GPAM: variants seen among roughly 807,000 people sequenced by gnomAD.
GPAM encodes glycerol-3-phosphate acyltransferase 1, mitochondrial.
Under a neutral mutation model 105.0 loss-of-function variants are expected in GPAM, and 56 were observed. The ratio of observed to expected loss-of-function variants is 0.53; its 90% CI spans 0.43 to 0.67. The LOEUF (loss-of-function observed/expected upper bound fraction) is 0.67, where lower values mean the gene tolerates loss of function less well. Ranked by LOEUF, GPAM falls within the 30% of genes least tolerant of loss-of-function variation. The pLI is 0.00. For missense variants in GPAM, 855 were observed against 989.8 expected, an observed-to-expected ratio of 0.86 and a Z score of 1.83; for synonymous variants, 368 against 354.4, an observed-to-expected ratio of 1.04 and a Z score of -0.43.
At chr10:112,177,723 A>T (rs141970662) in intron 5 of GPAM, among the ~76,000 whole-genome samples, 7 of 152,330 alleles carry the variant, frequency 4.6e-5, no homozygotes, top group African/African-American at 1.7e-4. Context: ...CATACTTCAT[A>T]TGCAAATCAA....
upstream of GPAM, among the ~76,000 whole-genome samples, chr10:112,219,456 C>A (rs577992969): frequency 1.5e-3 from 235 of 152,294 alleles, 1 homozygote; most frequent in Middle Eastern, 0.014. Flanking sequence ...GATCTTGATT[C>A]GTGGCACCAA....
At chr10:112,201,928 C>A (rs748243883) in intron 1 of GPAM, among the ~76,000 whole-genome samples, 1 of 152,170 alleles carries the variant, frequency 6.6e-6, no homozygotes, top group Non-Finnish European at 1.5e-5. Context: ...TACTCTGTGC[C>A]AGGCACAAGG....
At position 112,175,584 on chromosome 10, in the gene GPAM, C is replaced by CT. The variant is rs760240317; in HGVS notation, c.413+15dup. On this transcript the variant is annotated intron_variant, in intron 6 of 21. Transcript: ENST00000348367. ...TCCCTGCCTCTTCCCACCTTTACAC[C>CT]TTGCCCCGCCCTTACCTACTGCTGT... The CT allele has an allele frequency of 7.2e-7, 1 of 1,389,726 alleles. No homozygotes were observed. The highest frequency in any genetic ancestry group is 1.4e-5 in the African/African-American group (1 of 70,782). The allele number at this position is 1,389,726 out of a possible 1,614,324, so 86.1% of individuals were successfully genotyped here.
At chr10:112,160,087 C>G (rs746915305) in intron 16 of GPAM, 34 bp from the exon 17 acceptor site, 3 of 1,610,348 alleles carry the variant, frequency 1.9e-6, no homozygotes, top group Non-Finnish European at 2.5e-6. Context: ...AAGTTGCCAG[C>G]TCAAAGTCTC....
upstream of GPAM, among the ~76,000 whole-genome samples, chr10:112,219,618 T>G (rs545374842): frequency 2.0e-5 from 3 of 152,254 alleles, no homozygotes; most frequent in Non-Finnish European, 4.4e-5. Flanking sequence ...AAATTCATTT[T>G]CTTTCTGTCT....
chr10:112,159,826 A>T, intron 17 of GPAM, 85 bp downstream of exon 17: 1 of 1,312,534 alleles, frequency 7.6e-7, no homozygotes, highest in South Asian at 1.2e-5. Flanking sequence ...GTCAAACATT[A>T]TCTAACAGAA....
At position 112,152,729 on chromosome 10, in the gene GPAM, C is replaced by T; in HGVS notation, c.*821G>A. 1.0e-6 allele frequency: 1 copy of T among 976,622 alleles called. No individual in the cohort carries two copies. Among genetic ancestry groups the T allele is most frequent in the Non-Finnish European group, 1.2e-6 (1 of 821,896 alleles). 60.5% of individuals were successfully genotyped at this position (976,622 alleles called of 1,614,324 possible). ...ACCTGAGGGGTGGACGAGGTACAGA[C>T]ATAAAACAGGAAGGGTTCTAAATAT... On this transcript the variant is annotated 3_prime_UTR_variant, in exon 22 of 22. Coordinates refer to ENST00000348367, the MANE Select transcript of GPAM (RefSeq NM_001244949.2).
At chr10:112,222,559 G>A in the GPAM span, among the ~76,000 whole-genome samples, 1 of 152,146 alleles carries the variant, frequency 6.6e-6, no homozygotes, top group East Asian at 1.9e-4. Flanking sequence ...AAATGACTCA[G>A]AGCACCCTGC....
intron 21 of GPAM, chr10:112,153,904 C>T (rs1322438822): frequency 4.5e-6 from 2 of 442,492 alleles, no homozygotes; most frequent in African/African-American, 2.0e-5. Context: ...GTTCAACCAA[C>T]ATTAACTATA....
chr10:112,207,589 C>A (rs982064787), intron 1 of GPAM, among the ~76,000 whole-genome samples: 1 of 152,156 alleles, frequency 6.6e-6, no homozygotes, highest in Non-Finnish European at 1.5e-5. Flanking sequence ...AATAGGCAAG[C>A]TAAAATAATA....
In GPAM at chr10:112,151,687, T is replaced by C. The variant is rs1414934438; in HGVS notation, c.*1863A>G. The C allele has an allele frequency of 5.1e-6, 5 of 984,964 alleles. No homozygotes were observed. The East Asian group carries it at 4.5e-4, about 89-fold the overall frequency. The allele number at this position is 984,964 out of a possible 1,614,324, so 61.0% of individuals were successfully genotyped here. A position where few individuals can be genotyped will look rare whatever the true frequency, so the allele number is the denominator to read the frequency against. ...GGCAGAGTGTCGACTGGGAAGCGAG[T>C]CCCAATCTTGAATAATGGTGAGCTT... On this transcript the variant is annotated 3_prime_UTR_variant, in exon 22 of 22. Transcript: ENST00000348367.
chr10:112,202,640 A>G (rs1369919217), intron 1 of GPAM, among the ~76,000 whole-genome samples: 2 of 152,188 alleles, frequency 1.3e-5, no homozygotes, highest in Non-Finnish European at 2.9e-5. Flanking sequence ...ATAATTTTAC[A>G]TGCTGACACC....
At chr10:112,187,138 A>G (rs532197840), upstream of GPAM, among the ~76,000 whole-genome samples, 1 of 152,358 alleles carries the variant, frequency 6.6e-6, no homozygotes, top group East Asian at 1.9e-4. Flanking sequence ...CGAATTTTTA[A>G]GATGTTTAAT....
Position 112,153,159 on chromosome 10 carries a change from C to G in GPAM, c.*391G>C, listed in dbSNP as rs966119874. ...GATAATATACCAACAAATTACCCAG[C>G]AGCACTAAGTATACCATGTAAGATT... On this transcript the variant is annotated 3_prime_UTR_variant, in exon 22 of 22. Coordinates refer to ENST00000348367, the MANE Select transcript of GPAM (RefSeq NM_001244949.2). 1.9e-6 allele frequency: 2 copies of G among 1,035,270 alleles called. No individual in the cohort carries two copies. The highest frequency in any genetic ancestry group is 3.4e-5 in the African/African-American group (2 of 59,186). 64.1% of individuals were successfully genotyped at this position (1,035,270 alleles called of 1,614,324 possible).
intron 9 of GPAM, among the ~76,000 whole-genome samples, chr10:112,171,508 A>C (rs2133251774): frequency 6.6e-6 from 1 of 152,262 alleles, no homozygotes; most frequent in East Asian, 1.9e-4. Flanking sequence ...TTGGCTTAGA[A>C]ATTGTTTTGA....
upstream of GPAM, among the ~76,000 whole-genome samples, chr10:112,185,524 T>C (rs1589601182): frequency 7.2e-6 from 1 of 138,500 alleles, no homozygotes; most frequent in Non-Finnish European, 1.5e-5. Flanking sequence ...ATCTAGGAGA[T>C]AATAAAACCA....
the GPAM span, among the ~76,000 whole-genome samples, chr10:112,226,856 T>C: frequency 4.0e-5 from 6 of 151,796 alleles, no homozygotes; most frequent in African/African-American, 1.5e-4. Flanking sequence ...GAGCCCTGGA[T>C]TCCATCCAAG....
At chr10:112,199,353 CAAAG>C (rs1175805988) in intron 1 of GPAM, among the ~76,000 whole-genome samples, 1 of 151,948 alleles carries the variant, frequency 6.6e-6, no homozygotes, top group Non-Finnish European at 1.5e-5. Flanking sequence ...ATGTTGAACT[CAAAG>C]AAGCAGAGAG....
intron 9 of GPAM, among the ~76,000 whole-genome samples, chr10:112,169,710 G>A (rs1015003282): frequency 6.6e-5 from 10 of 152,124 alleles, no homozygotes; most frequent in Admixed American, 3.9e-4. Flanking sequence ...CCGGGGCCAC[G>A]GACCAATACC....
Sources: gnomAD v4.1 joint callset for allele counts (sites outside exome capture counted in the v4.1 genomes callset) on GRCh38, gnomAD v4.1.1 for gene constraint, MANE v1.5 for transcripts, NCBI Gene and HGNC (gene_info 2026-07-23, HGNC 2026-07-21) for gene names.